PM20D2: variants seen among roughly 807,000 people sequenced by gnomAD.
PM20D2 encodes xaa-Arg dipeptidase.
Under a neutral mutation model 42.9 loss-of-function variants are expected in PM20D2, and 33 were observed. The observed-to-expected ratio is 0.77, with a 90% confidence interval of 0.58 to 1.03. PM20D2 has a LOEUF of 1.03. PM20D2 is among the 50% of genes least tolerant of loss of function. The pLI, the probability that PM20D2 is intolerant of heterozygous loss-of-function variation, is 0.00. For synonymous variants in PM20D2, 250 were observed against 228.2 expected (o/e 1.10, Z -0.86); for missense variants, 548 against 557.0 (o/e 0.98, Z 0.16).
intron 5 of PM20D2, among the ~76,000 whole-genome samples, chr6:89,159,726 G>A (rs1186007620): frequency 6.6e-6 from 1 of 152,208 alleles, no homozygotes. Flanking sequence ...TTCCCTCTAG[G>A]AAGTAGCACA....
At chr6:89,115,214 C>A in the PM20D2 span, among the ~76,000 whole-genome samples, 1 of 152,134 alleles carries the variant, frequency 6.6e-6, no homozygotes, top group Admixed American at 6.6e-5. Flanking sequence ...CTCCCGGGCT[C>A]CCACCTCAGC....
the PM20D2 span, chr6:89,098,178 A>T: frequency 6.4e-6 from 1 of 156,588 alleles, no homozygotes; most frequent in Non-Finnish European, 1.4e-5. Context: ...AGTCTGCTCT[A>T]TGCAATTATA....
At chr6:89,135,826 CT>C in the PM20D2 span, among the ~76,000 whole-genome samples, 1 of 151,172 alleles carries the variant, frequency 6.6e-6, no homozygotes, top group African/African-American at 2.5e-5. Flanking sequence ...CTTGTCCCTC[CT>C]TAACAGTTTT....
At chr6:89,117,582 C>T in the PM20D2 span, among the ~76,000 whole-genome samples, 1 of 152,164 alleles carries the variant, frequency 6.6e-6, no homozygotes, top group Non-Finnish European at 1.5e-5. Context: ...GCGACGCGGG[C>T]CCGGGACACG....
chr6:89,143,536 C>T (rs932295798), upstream of PM20D2, among the ~76,000 whole-genome samples: 8 of 152,112 alleles, frequency 5.3e-5, no homozygotes, highest in African/African-American at 1.9e-4. Flanking sequence ...TCTCACCCCC[C>T]CAAAAAGGTT....
chr6:89,165,361 T>C lies in PM20D2; in HGVS notation c.*3098T>C, dbSNP rs1771384179. 6.6e-6 allele frequency: 1 copy of C among 152,178 alleles called. No individual in the cohort carries two copies. Among genetic ancestry groups the C allele is most frequent in the Non-Finnish European group, 1.5e-5 (1 of 68,036 alleles). 9.4% of individuals were successfully genotyped at this position (152,178 alleles called of 1,614,324 possible). A position where few individuals can be genotyped will look rare whatever the true frequency, so the allele number is the denominator to read the frequency against. Reference sequence around the variant, plus strand: ...CAACCCTTTATAAGGTTGTAAGGTATAATAAACTGCTTATTTTTTTACATA... The same window carrying C: ...CAACCCTTTATAAGGTTGTAAGGTACAATAAACTGCTTATTTTTTTACATA... On this transcript the variant is annotated 3_prime_UTR_variant, in exon 7 of 7. Transcript: ENST00000275072.
At chr6:89,136,762 A>G in the PM20D2 span, among the ~76,000 whole-genome samples, 1 of 151,104 alleles carries the variant, frequency 6.6e-6, no homozygotes, top group African/African-American at 2.5e-5. Context: ...TTAATCTTAC[A>G]GATTCCCTCA....
chr6:89,146,201 G>T lies in PM20D2; in HGVS notation c.57G>T (p.Glu19Asp), dbSNP rs773088018. 6.4e-7 allele frequency: 1 copy of T among 1,562,714 alleles called. No individual in the cohort carries two copies. Among genetic ancestry groups the T allele is most frequent in the Admixed American group, 1.8e-5 (1 of 57,006 alleles). The change falls in exon 1 of 7, where the codon GAG (glutamate) becomes GAT (aspartate). Residue 19 changes from glutamate to aspartate, a missense_variant. By Grantham distance (45) the Glu-to-Asp change is conservative. This residue lies in a region of PM20D2 where 470 missense variants were observed against 464.4 expected (regional missense o/e 1.01). Coordinates refer to ENST00000275072, the MANE Select transcript of PM20D2 (RefSeq NM_001010853.3). ...VEGGACNGRS[E>D]LELLKLRSAE... Reference sequence around the variant, plus strand: ...GGGGCGCGTGCAATGGCCGCTCCGAGCTGGAGCTACTGAAGCTGCGCTCGG... The same window carrying T: ...GGGGCGCGTGCAATGGCCGCTCCGATCTGGAGCTACTGAAGCTGCGCTCGG...
chr6:89,162,150 G>T lies in PM20D2; in HGVS notation c.1198G>T (p.Ala400Ser). The change falls in exon 7 of 7, where the codon GCT (alanine) becomes TCT (serine). Residue 400 changes from alanine (A) to serine (S), a missense_variant. Transcript: ENST00000275072. ...GTTCTACACTCTGCGGACGGCCAAA[G>T]CTCTGGCAATGACGGCACTGGATGT... is the stretch of plus-strand genomic sequence containing the variant. ...AQFYTLRTAK[A>S]LAMTALDVIF... The T allele has an allele frequency of 6.2e-7, 1 of 1,614,172 alleles. No homozygotes were observed. Among genetic ancestry groups the T allele is most frequent in the East Asian group, 2.2e-5 (1 of 44,886 alleles).
At chr6:89,102,677 A>G in the PM20D2 span, among the ~76,000 whole-genome samples, 1 of 152,192 alleles carries the variant, frequency 6.6e-6, no homozygotes, top group Admixed American at 6.5e-5. Flanking sequence ...GAACATTTAG[A>G]GTTCTAACAT....
the PM20D2 span, among the ~76,000 whole-genome samples, chr6:89,110,379 T>G: frequency 6.6e-6 from 1 of 152,232 alleles, no homozygotes; most frequent in Non-Finnish European, 1.5e-5. Flanking sequence ...AAATACCCTC[T>G]AAGGTTTCCC....
At chr6:89,130,721 A>C in the PM20D2 span, among the ~76,000 whole-genome samples, 1 of 150,714 alleles carries the variant, frequency 6.6e-6, no homozygotes, top group African/African-American at 2.4e-5. Flanking sequence ...TGGCCTCCCA[A>C]AGTGTTAGGA....
the PM20D2 span, among the ~76,000 whole-genome samples, chr6:89,119,847 A>C: frequency 5.3e-5 from 8 of 152,178 alleles, no homozygotes; most frequent in East Asian, 1.5e-3. Flanking sequence ...GATGGAGTCT[A>C]TGTTGCCTAG....
the PM20D2 span, among the ~76,000 whole-genome samples, chr6:89,103,022 C>T: frequency 6.6e-6 from 1 of 152,162 alleles, no homozygotes; most frequent in Non-Finnish European, 1.5e-5. Context: ...CCCTGGCCTC[C>T]CAGAGTGCTG....
At chr6:89,103,991 C>CTTTTTTTTTT in the PM20D2 span, among the ~76,000 whole-genome samples, 13 of 81,962 alleles carry the variant, frequency 1.6e-4, 1 homozygote, top group African/African-American at 5.6e-4. Context: ...TATTATATTT[C>CTTTTTTTTTT]TTTTTTTTTT....
intron 3 of PM20D2, among the ~76,000 whole-genome samples, chr6:89,153,637 G>A (rs889301379): frequency 6.6e-6 from 1 of 151,990 alleles, no homozygotes; most frequent in African/African-American, 2.4e-5. Context: ...TTGCTCTATT[G>A]CCCAGGCTGG....
rs1771313747 is a variant in PM20D2, at chr6:89,163,469, AC to A, written c.*1208del. On this transcript the variant is annotated 3_prime_UTR_variant, in exon 7 of 7. Coordinates refer to ENST00000275072, the MANE Select transcript of PM20D2 (RefSeq NM_001010853.3). ...AGTGTTGGGATTTCAGGTATGAGAC[AC>A]CACACCTGCCCATTTTTGTTTGGTT... The A allele has an allele frequency of 6.6e-6, 1 of 152,136 alleles. No individual in the cohort carries two copies. The highest frequency in any genetic ancestry group is 2.4e-5 in the African/African-American group (1 of 41,416). 9.4% of individuals were successfully genotyped at this position (152,136 alleles called of 1,614,324 possible). A position where few individuals can be genotyped will look rare whatever the true frequency, so the allele number is the denominator to read the frequency against.
the PM20D2 span, among the ~76,000 whole-genome samples, chr6:89,124,607 C>T: frequency 9.9e-5 from 15 of 151,584 alleles, no homozygotes; most frequent in Admixed American, 2.6e-4. Flanking sequence ...AAAGTGAACT[C>T]GATGAGCAAA....
At chr6:89,139,273 C>A in the PM20D2 span, among the ~76,000 whole-genome samples, 1 of 151,984 alleles carries the variant, frequency 6.6e-6, no homozygotes, top group Admixed American at 6.6e-5. Flanking sequence ...TGGGGTCTTG[C>A]TGTGTTTCTC....
Sources: allele counts gnomAD v4.1 joint callset (sites outside exome capture counted in the v4.1 genomes callset), GRCh38; gene constraint gnomAD v4.1.1; regional missense constraint gnomAD v4.1.1; transcripts MANE v1.5; gene names NCBI Gene and HGNC (gene_info 2026-07-23, HGNC 2026-07-21).